The following POLA1 variants were observed in gnomAD, a reference collection of about 807,000 sequenced individuals.
The protein encoded by POLA1 is DNA polymerase alpha catalytic subunit.
In POLA1, 15 loss-of-function variants were observed where a neutral mutation model predicts 124.0. The observed-to-expected ratio is 0.12, with a 90% CI of 0.08 to 0.19. The LOEUF is 0.19. Among genes scored for constraint, POLA1 ranks in the 10% least tolerant of loss-of-function variants. The pLI is 1.00. For synonymous variants in POLA1, 408 were observed against 389.4 expected (o/e 1.05, Z -0.56); for missense variants, 886 against 1,103.4 (o/e 0.80, Z 2.79).
At chrX:24,704,615 A>C in intron 4 of POLA1, 146 bp downstream of exon 4, 1 of 424,402 alleles carries the variant, frequency 2.4e-6, no homozygotes, top group Non-Finnish European at 4.2e-6. Context: ...TCTAAGATGA[A>C]GAGAAGTATG....
intron 26 of POLA1, among the ~76,000 whole-genome samples, chrX:24,763,256 G>C (rs1932831119): frequency 9.0e-6 from 1 of 110,891 alleles, no homozygotes; most frequent in South Asian, 3.9e-4. Context: ...AGAGATTTAA[G>C]AGAAAAAGTA....
At chrX:24,885,383 C>G (rs749675535) in intron 34 of POLA1, among the ~76,000 whole-genome samples, 14 of 111,731 alleles carry the variant, frequency 1.3e-4, no homozygotes, top group Non-Finnish European at 1.9e-4. Flanking sequence ...ATGGGTACTT[C>G]AAGAAAACAA....
At chrX:24,902,386 A>T (rs900221960) in intron 35 of POLA1, among the ~76,000 whole-genome samples, 10 of 111,939 alleles carry the variant, frequency 8.9e-5, no homozygotes, top group African/African-American at 3.2e-4. Context: ...ATCTATTTAG[A>T]AGATGCTCCA....
chrX:24,778,538 C>G (rs1459094435), intron 26 of POLA1, among the ~76,000 whole-genome samples: 1 of 111,846 alleles, frequency 8.9e-6, no homozygotes, highest in Non-Finnish European at 1.9e-5. Flanking sequence ...GAGAGGCATC[C>G]TAAACATGTT....
rs145160058 is a variant in POLA1 at position 24,907,665 on chromosome X, C to G, written c.4164+19543C>G. Reference sequence around the variant, plus strand: ...TTCAGGAGTAAAAGTGAAAGAAAGACATTCTCAGATGAGTAGGATAATTCA... The same window carrying G: ...TTCAGGAGTAAAAGTGAAAGAAAGAGATTCTCAGATGAGTAGGATAATTCA... On this transcript the variant is annotated intron_variant, in intron 35 of 36. Transcript: ENST00000379068. Among the ~76,000 whole-genome samples, 101 of 111,928 alleles carry G rather than the reference C, an allele frequency of 9.0e-4. 1 individual carries two copies. In the East Asian group the frequency reaches 0.016, roughly 18 times the overall value.
intron 26 of POLA1, among the ~76,000 whole-genome samples, chrX:24,771,655 C>CT (rs1278049985): frequency 9.0e-6 from 1 of 111,554 alleles, no homozygotes; most frequent in Non-Finnish European, 1.9e-5. Flanking sequence ...GAGAAAACTG[C>CT]TAAGCAATTT....
chrX:24,736,122 T>C (rs930220058), intron 18 of POLA1, among the ~76,000 whole-genome samples: 4 of 111,760 alleles, frequency 3.6e-5, no homozygotes, highest in Middle Eastern at 4.6e-3. Context: ...ATCAATCATA[T>C]TGTTTTTGTT....
chrX:24,985,195 T>G (rs1467186158), intron 36 of POLA1, among the ~76,000 whole-genome samples: 1 of 112,508 alleles, frequency 8.9e-6, no homozygotes, highest in African/African-American at 3.2e-5. Flanking sequence ...GTTGGCACAC[T>G]TTTTCTATGA....
chrX:24,844,937 C>A (rs1166466607), intron 34 of POLA1, among the ~76,000 whole-genome samples: 2 of 111,423 alleles, frequency 1.8e-5, no homozygotes, highest in Non-Finnish European at 3.8e-5. Context: ...TTGCTTGACT[C>A]TTGGGAAGAA....
chrX:24,971,673 C>G (rs1470388130), intron 36 of POLA1, among the ~76,000 whole-genome samples: 1 of 112,288 alleles, frequency 8.9e-6, no homozygotes, highest in East Asian at 2.8e-4. Flanking sequence ...AATACACACA[C>G]CCATACAGAT....
chrX:24,918,279 A>G (rs1340662846), intron 35 of POLA1, among the ~76,000 whole-genome samples: 1 of 110,785 alleles, frequency 9.0e-6, no homozygotes, highest in Admixed American at 9.6e-5. Context: ...ATTGTTATGT[A>G]TATGAATCTA....
chrX:24,924,305 G>A (rs2047660605), intron 35 of POLA1, among the ~76,000 whole-genome samples: 1 of 111,701 alleles, frequency 9.0e-6, no homozygotes, highest in Admixed American at 9.5e-5. Flanking sequence ...TTTTACAGAT[G>A]GAGAAATTGA....
chrX:24,831,529 T>G (rs2046261214), intron 32 of POLA1, among the ~76,000 whole-genome samples: 2 of 111,015 alleles, frequency 1.8e-5, no homozygotes, highest in South Asian at 7.7e-4. Context: ...CAAGTGATTC[T>G]CCTGCCTCAG....
At chrX:24,696,856 G>A (rs1309922714) in intron 1 of POLA1, among the ~76,000 whole-genome samples, 1 of 111,605 alleles carries the variant, frequency 9.0e-6, no homozygotes, top group Non-Finnish European at 1.9e-5. Flanking sequence ...CTTGCACACT[G>A]AGTTCTCTCA....
intron 35 of POLA1, among the ~76,000 whole-genome samples, chrX:24,923,767 G>A (rs764004072): frequency 1.8e-5 from 2 of 112,035 alleles, no homozygotes; most frequent in African/African-American, 6.5e-5. Flanking sequence ...AATTTCCTTT[G>A]CAAAGAAGTA....
At chrX:24,928,349 A>G (rs1334319968) in intron 35 of POLA1, among the ~76,000 whole-genome samples, 1 of 111,998 alleles carries the variant, frequency 8.9e-6, no homozygotes, top group Non-Finnish European at 1.9e-5. Flanking sequence ...CTAGCAACAC[A>G]GCACTTTGCA....
At chrX:24,937,998 G>A (rs1175085646) in intron 36 of POLA1, among the ~76,000 whole-genome samples, 10 of 112,241 alleles carry the variant, frequency 8.9e-5, no homozygotes, top group Admixed American at 2.8e-4. Context: ...CTAAGAGAGG[G>A]GAAAAAAGCC....
rs779863324 is a variant in POLA1 at position 24,742,164 on chromosome X, C to A, written c.2466+43C>A. 5.3e-5 allele frequency: 46 copies of A among 865,263 alleles called. No homozygotes were observed. In the South Asian group the frequency reaches 9.8e-4, roughly 18 times the overall value. 71.3% of individuals were successfully genotyped at this position (865,263 alleles called of 1,213,427 possible). ...TAGTATTTTGTTTTCTCTTAACCCC[C>A]CCCCCCCTTTTAATACCTAGATAGC... On this transcript the variant is annotated intron_variant, in intron 22 of 36. Coordinates refer to ENST00000379068, the MANE Select transcript of POLA1 (RefSeq NM_001330360.2).
At chrX:24,764,385 C>A (rs778665030) in intron 26 of POLA1, among the ~76,000 whole-genome samples, 1 of 111,914 alleles carries the variant, frequency 8.9e-6, no homozygotes, top group African/African-American at 3.2e-5. Flanking sequence ...TTTGCCATTT[C>A]TCCTGCTTTT....
Sources: gnomAD v4.1 joint callset for allele counts (sites outside exome capture counted in the v4.1 genomes callset) on GRCh38, gnomAD v4.1.1 for gene constraint, MANE v1.5 for transcripts, NCBI Gene and HGNC (gene_info 2026-07-23, HGNC 2026-07-21) for gene names.